CDIN1: variants seen among roughly 807,000 people sequenced by gnomAD.
CDIN1 encodes the protein CDAN1-interacting nuclease 1.
CDIN1 carries 33 observed loss-of-function variants against 45.3 expected under a neutral mutation model. That is an observed-to-expected ratio of 0.73 (90% CI 0.55 to 0.97). CDIN1 has a LOEUF of 0.97. Ranked by LOEUF, CDIN1 falls within the 50% of genes least tolerant of loss-of-function variation. The pLI is 0.00. For synonymous variants in CDIN1, 118 were observed against 124.4 expected, an observed-to-expected ratio of 0.95 and a Z score of 0.34; for missense variants, 303 against 339.4, an observed-to-expected ratio of 0.89 and a Z score of 0.84.
intron 10 of CDIN1, among the ~76,000 whole-genome samples, chr15:36,710,211 A>G (rs57598814): frequency 0.016 from 2,386 of 152,230 alleles, 64 homozygotes; most frequent in African/African-American, 0.055. Flanking sequence ...TCATTTTACA[A>G]TAATATTGGT....
chr15:36,651,004 A>G (rs929754427), intron 3 of CDIN1, among the ~76,000 whole-genome samples: 1 of 151,990 alleles, frequency 6.6e-6, no homozygotes, highest in African/African-American at 2.4e-5. Flanking sequence ...CGAAGGTTGC[A>G]GTGAGCCGAG....
chr15:36,699,893 T>C (rs1291586193), intron 8 of CDIN1, among the ~76,000 whole-genome samples: 1 of 152,196 alleles, frequency 6.6e-6, no homozygotes, highest in Non-Finnish European at 1.5e-5. Context: ...TTTAAACTTA[T>C]CCAATTTGTA....
chr15:36,756,448 G>A (rs377320166), intron 10 of CDIN1, among the ~76,000 whole-genome samples: 1 of 152,140 alleles, frequency 6.6e-6, no homozygotes, highest in African/African-American at 2.4e-5. Context: ...CCTAAAGCAG[G>A]TGTTATAACA....
intron 8 of CDIN1, chr15:36,705,239 T>C (rs926307123): frequency 3.3e-5 from 5 of 152,208 alleles, no homozygotes; most frequent in African/African-American, 1.2e-4. Context: ...TTAAGATAAA[T>C]TGGAGAGAGG....
At chr15:36,745,087 C>G (rs895552797) in intron 10 of CDIN1, among the ~76,000 whole-genome samples, 4 of 151,924 alleles carry the variant, frequency 2.6e-5, no homozygotes, top group Non-Finnish European at 4.4e-5. Flanking sequence ...GGAAACCCAG[C>G]CAGGGTTATA....
chr15:36,723,548 A>G (rs1216465619), intron 10 of CDIN1, among the ~76,000 whole-genome samples: 1 of 152,122 alleles, frequency 6.6e-6, no homozygotes, highest in East Asian at 1.9e-4. Context: ...AGTATTTTTT[A>G]CTACTTCATA....
intron 10 of CDIN1, among the ~76,000 whole-genome samples, chr15:36,710,902 C>A (rs927785746): frequency 6.6e-6 from 1 of 152,164 alleles, no homozygotes; most frequent in Non-Finnish European, 1.5e-5. Context: ...TGGACCTCGC[C>A]TGTGGCAGCT....
At chr15:36,763,316 C>T (rs1015620271) in intron 10 of CDIN1, among the ~76,000 whole-genome samples, 2 of 152,188 alleles carry the variant, frequency 1.3e-5, no homozygotes, top group Non-Finnish European at 2.9e-5. Flanking sequence ...TGTTCATATC[C>T]TTCACCCACT....
intron 1 of CDIN1, among the ~76,000 whole-genome samples, chr15:36,589,697 G>A (rs1029111185): frequency 4.6e-5 from 7 of 152,194 alleles, no homozygotes; most frequent in African/African-American, 1.7e-4. Flanking sequence ...GTAGAGACGG[G>A]GTTTCACCGT....
At chr15:36,626,310 A>G (rs2039420967) in intron 1 of CDIN1, among the ~76,000 whole-genome samples, 1 of 151,908 alleles carries the variant, frequency 6.6e-6, no homozygotes, top group Non-Finnish European at 1.5e-5. Flanking sequence ...AGAGAAGCAC[A>G]GTCTGTGGGC....
At chr15:36,691,097 C>T (rs754052322) in intron 5 of CDIN1, 3 of 507,244 alleles carry the variant, frequency 5.9e-6, no homozygotes, top group South Asian at 2.9e-5. Context: ...AAGATTCTCT[C>T]AATTCAGTCA....
At position 36,709,882 on chromosome 15, in the gene CDIN1, A is replaced by G. The variant is rs772330873; in HGVS notation, c.637A>G (p.Ile213Val). Residue 213 changes from isoleucine (I) to valine (V), a missense_variant, in exon 10 of 11, where the codon ATT becomes GTT. Physicochemically the swap from Ile to Val is conservative, Grantham distance 29. Transcript: ENST00000566621. The part of the protein sequence containing the change: ...VAVEGHIIHW[I>V]ESKASFGDEC... The stretch of plus-strand genomic sequence containing the variant: ...TGTAGAAGGGCACATAATTCACTGG[A>G]TTGAAAGCAAAGCCTCATTTGGTGA... 2.5e-6 allele frequency: 4 copies of G among 1,613,408 alleles called. No individual in the cohort carries two copies. In the East Asian group the frequency reaches 8.9e-5, roughly 36 times the overall value.
intron 8 of CDIN1, chr15:36,708,825 G>C (rs1257773397): frequency 6.5e-6 from 1 of 154,788 alleles, no homozygotes; most frequent in Non-Finnish European, 1.4e-5. Context: ...TAACTGTGAA[G>C]GCCACTGTGC....
At chr15:36,808,211 CAA>C (rs1257424773) in intron 10 of CDIN1, 111 bp from the exon 11 acceptor site, 1 of 1,486,366 alleles carries the variant, frequency 6.7e-7, no homozygotes, top group African/African-American at 1.4e-5. Context: ...GCAACCAAAA[CAA>C]AAATTTTGTG....
In CDIN1 at chr15:36,738,143, G is replaced by C. The variant is rs1348420104; in HGVS notation, c.716+28182G>C. 2.0e-5 allele frequency among the ~76,000 whole-genome samples: 3 copies of C among 151,848 alleles called. No individual in the cohort carries two copies. The East Asian group carries it at 5.8e-4, about 29-fold the overall frequency. On this transcript the variant is annotated intron_variant, in intron 10 of 10. Transcript: ENST00000566621. ...TCCTCTTCTCTATTTTTTTGGCTTG[G>C]CGATTTCATCTAGTTTTATACCATC... is the stretch of plus-strand genomic sequence containing the variant.
At chr15:36,646,065 G>C (rs1466943393) in intron 3 of CDIN1, among the ~76,000 whole-genome samples, 3 of 151,992 alleles carry the variant, frequency 2.0e-5, no homozygotes, top group African/African-American at 7.3e-5. Flanking sequence ...TTGTTAGTTG[G>C]TTTCTTAAAT....
intron 5 of CDIN1, among the ~76,000 whole-genome samples, chr15:36,662,854 GTTTTTT>G (rs34007525): frequency 6.9e-4 from 85 of 122,934 alleles, no homozygotes; most frequent in African/African-American, 2.3e-3. Flanking sequence ...TCAGATTTTA[GTTTTTT>G]TTTTTTTTTT....
intron 10 of CDIN1, among the ~76,000 whole-genome samples, chr15:36,789,076 A>G (rs959786520): frequency 6.6e-6 from 1 of 152,222 alleles, no homozygotes; most frequent in Non-Finnish European, 1.5e-5. Context: ...TCACAAAAAA[A>G]TCTCATAATG....
At chr15:36,717,376 T>A (rs972097226) in intron 10 of CDIN1, among the ~76,000 whole-genome samples, 1 of 152,206 alleles carries the variant, frequency 6.6e-6, no homozygotes, top group Non-Finnish European at 1.5e-5. Context: ...TTTCTGTGAC[T>A]GTTGATTACT....
Sources: allele counts gnomAD v4.1 joint callset (sites outside exome capture counted in the v4.1 genomes callset), GRCh38; gene constraint gnomAD v4.1.1; transcripts MANE v1.5; gene names NCBI Gene and HGNC (gene_info 2026-07-23, HGNC 2026-07-21).